Variants in BACH2 observed in about 807,000 individuals in gnomAD.
BACH2 encodes the protein transcription regulator protein BACH2.
Under a neutral mutation model 61.8 loss-of-function variants are expected in BACH2, and 5 were observed. The observed-to-expected ratio is 0.08, with a 90% CI of 0.04 to 0.17. The LOEUF is 0.17. Among genes scored for constraint, BACH2 ranks in the 10% least tolerant of loss-of-function variants. The probability of loss-of-function intolerance (pLI) is 1.00; values close to 1 mark genes in which losing one functional copy is unlikely to be tolerated. For synonymous variants in BACH2, 446 were observed against 440.1 expected (o/e 1.01, Z -0.17); for missense variants, 824 against 1,091.1 (o/e 0.76, Z 3.45).
intron 4 of BACH2, among the ~76,000 whole-genome samples, chr6:90,175,056 T>C (rs973323453): frequency 1.4e-4 from 21 of 152,240 alleles, no homozygotes; most frequent in African/African-American, 4.8e-4. Flanking sequence ...AGCAGAAATG[T>C]GGATGTTTTC....
chr6:90,264,286 T>C (rs907898506), intron 2 of BACH2, among the ~76,000 whole-genome samples: 1 of 152,132 alleles, frequency 6.6e-6, no homozygotes, highest in Non-Finnish European at 1.5e-5. Context: ...GATGCTGAGG[T>C]CTTCAGGGAA....
At chr6:90,018,702 A>G (rs898616798) in intron 5 of BACH2, among the ~76,000 whole-genome samples, 1 of 152,204 alleles carries the variant, frequency 6.6e-6, no homozygotes, top group Non-Finnish European at 1.5e-5. Flanking sequence ...TGTAATACCC[A>G]ATTACAAAGA....
At chr6:90,007,583 A>G (rs1397799246) in intron 6 of BACH2, among the ~76,000 whole-genome samples, 1 of 152,144 alleles carries the variant, frequency 6.6e-6, no homozygotes, top group Admixed American at 6.5e-5. Context: ...AGGCCCCTGA[A>G]GGCGTCTGGT....
chr6:90,137,185 C>T (rs1784299516), intron 4 of BACH2, among the ~76,000 whole-genome samples: 3 of 152,118 alleles, frequency 2.0e-5, no homozygotes, highest in African/African-American at 7.2e-5. Context: ...CACAATAACA[C>T]CTAAGGAATA....
chr6:90,066,585 A>T (rs576974926), intron 5 of BACH2, among the ~76,000 whole-genome samples: 49 of 152,330 alleles, frequency 3.2e-4, no homozygotes, highest in Middle Eastern at 3.4e-3. Context: ...AGCTCCTGAT[A>T]AACACCAAAT....
chr6:89,997,026 CA>C (rs1776886260), intron 6 of BACH2, among the ~76,000 whole-genome samples: 3 of 152,008 alleles, frequency 2.0e-5, no homozygotes, highest in African/African-American at 7.3e-5. Flanking sequence ...CACACACACA[CA>C]CACATGCATG....
intron 3 of BACH2, among the ~76,000 whole-genome samples, chr6:90,238,769 T>C (rs1274286984): frequency 6.6e-6 from 1 of 152,190 alleles, no homozygotes. Context: ...TTCTTCAATC[T>C]CATTTTCCTG....
chr6:89,957,795 C>T (rs1238500510), intron 6 of BACH2, among the ~76,000 whole-genome samples: 1 of 152,218 alleles, frequency 6.6e-6, no homozygotes. Context: ...CTATTTTGAC[C>T]TCCCAAAGTA....
At chr6:90,265,178 T>G (rs1172898056) in intron 2 of BACH2, among the ~76,000 whole-genome samples, 1 of 152,172 alleles carries the variant, frequency 6.6e-6, no homozygotes, top group Non-Finnish European at 1.5e-5. Context: ...GGGCCCACAT[T>G]ATGGGGATCC....
intron 8 of BACH2, among the ~76,000 whole-genome samples, chr6:89,933,802 A>G (rs1158170222): frequency 6.6e-6 from 1 of 151,008 alleles, no homozygotes; most frequent in Non-Finnish European, 1.5e-5. Context: ...CTTGGGGAAC[A>G]TGGCAAAACC....
At chr6:90,020,202 T>C (rs1778298188) in intron 5 of BACH2, among the ~76,000 whole-genome samples, 1 of 152,218 alleles carries the variant, frequency 6.6e-6, no homozygotes, top group Non-Finnish European at 1.5e-5. Flanking sequence ...ACCTTTCTGC[T>C]TTCTTTAAAA....
chr6:90,261,716 A>G (rs1005283061), intron 2 of BACH2, among the ~76,000 whole-genome samples: 1 of 152,032 alleles, frequency 6.6e-6, no homozygotes, highest in South Asian at 2.1e-4. Flanking sequence ...GGCTTATATC[A>G]TTGGTTCTCT....
chr6:89,949,050 G>A (rs903211424), intron 7 of BACH2, among the ~76,000 whole-genome samples: 3 of 152,162 alleles, frequency 2.0e-5, no homozygotes, highest in African/African-American at 7.2e-5. Context: ...AAAACCTCAT[G>A]TGCTTCTCGC....
intron 4 of BACH2, among the ~76,000 whole-genome samples, chr6:90,204,969 G>A (rs1463883390): frequency 1.3e-5 from 2 of 152,116 alleles, no homozygotes; most frequent in Non-Finnish European, 1.5e-5. Flanking sequence ...ACAATTGCTT[G>A]TTTTTTTGCT....
At chr6:90,182,376 T>G (rs894280441) in intron 4 of BACH2, among the ~76,000 whole-genome samples, 1 of 152,226 alleles carries the variant, frequency 6.6e-6, no homozygotes, top group Non-Finnish European at 1.5e-5. Context: ...AACCCTTCCA[T>G]ATTCTTGAAG....
intron 2 of BACH2, among the ~76,000 whole-genome samples, chr6:90,255,303 G>A (rs1770941907): frequency 6.6e-6 from 1 of 152,162 alleles, no homozygotes; most frequent in South Asian, 2.1e-4. Context: ...TACTAAAAAT[G>A]TACTGTGTGT....
chr6:89,936,669 A>C lies in BACH2; in HGVS notation c.2043+1475T>G, dbSNP rs146438470. Among the ~76,000 whole-genome samples the C allele has an allele frequency of 3.1e-3, 468 of 152,302 alleles. 1 individual carries two copies. The highest frequency in any genetic ancestry group is 0.01 in the African/African-American group (435 of 41,548). On this transcript the variant is annotated intron_variant, in intron 8 of 8. Transcript: ENST00000257749. ...CTTTGTTGGTGATGGGAGCTGCTAA[A>C]CACAGACATTTTCCCTGGTGGTGAG... is the stretch of plus-strand genomic sequence containing the variant.
At position 90,131,118 on chromosome 6, in the gene BACH2, G is replaced by A. The variant is rs77441066; in HGVS notation, c.-161-42009C>T. Among the ~76,000 whole-genome samples the A allele has an allele frequency of 6.2e-3, 937 of 152,248 alleles. 5 individuals carry two copies. The highest frequency in any genetic ancestry group is 0.021 in the African/African-American group (891 of 41,534). On this transcript the variant is annotated intron_variant, in intron 4 of 8. Coordinates refer to ENST00000257749, the MANE Select transcript of BACH2 (RefSeq NM_021813.4). ...AGTGGGCTCTCTGGAGGACCACTGG[G>A]GAAAAGGGAGTAGAAGCATGTACCA...
intron 5 of BACH2, among the ~76,000 whole-genome samples, chr6:90,087,553 C>T (rs775801231): frequency 4.6e-5 from 7 of 152,152 alleles, no homozygotes; most frequent in Non-Finnish European, 7.4e-5. Context: ...TTTCTATTAA[C>T]GTGGAATAAA....
Sources: allele counts gnomAD v4.1 joint callset (sites outside exome capture counted in the v4.1 genomes callset), GRCh38; gene constraint gnomAD v4.1.1; transcripts MANE v1.5; gene names NCBI Gene and HGNC (gene_info 2026-07-23, HGNC 2026-07-21).